CNTN5: variants seen among roughly 807,000 people sequenced by gnomAD.
CNTN5 encodes the protein contactin 5, also known as contactin-5.
In CNTN5, 77 loss-of-function variants were observed where a neutral mutation model predicts 129.1. The ratio of observed to expected loss-of-function variants is 0.60; its 90% CI spans 0.50 to 0.72. CNTN5 has a LOEUF of 0.72. Ranked by LOEUF, CNTN5 falls within the 30% of genes least tolerant of loss-of-function variation. The pLI, the probability that CNTN5 is intolerant of heterozygous loss-of-function variation, is 0.00. For missense variants in CNTN5, 1,478 were observed against 1,328.8 expected (o/e 1.11, Z -1.75); for synonymous variants, 509 against 465.6 (o/e 1.09, Z -1.20).
At chr11:99,065,189 T>C (rs1308689805) in intron 1 of CNTN5, among the ~76,000 whole-genome samples, 1 of 152,098 alleles carries the variant, frequency 6.6e-6, no homozygotes, top group Admixed American at 6.6e-5. Context: ...GATGAAAATA[T>C]AATTGCAAAG....
chr11:100,280,357 C>T (rs185426845), intron 18 of CNTN5, among the ~76,000 whole-genome samples: 1 of 152,096 alleles, frequency 6.6e-6, no homozygotes, highest in Non-Finnish European at 1.5e-5. Context: ...TATCTGGGTA[C>T]TCAAGCATTG....
chr11:99,452,400 T>C (rs1203992755), intron 2 of CNTN5, among the ~76,000 whole-genome samples: 7 of 102,738 alleles, frequency 6.8e-5, no homozygotes, highest in African/African-American at 2.6e-4. Context: ...TGGGACGGAG[T>C]CTGGTTCTGT....
At chr11:99,266,474 C>T (rs1002423194) in intron 1 of CNTN5, among the ~76,000 whole-genome samples, 6 of 151,930 alleles carry the variant, frequency 3.9e-5, no homozygotes, top group African/African-American at 9.7e-5. Context: ...TGGTGGCATG[C>T]GCCTGTATTT....
At chr11:99,139,101 ACCCCCC>A (rs113293616) in intron 1 of CNTN5, among the ~76,000 whole-genome samples, 24,787 of 129,256 alleles carry the variant, frequency 0.19, 2,743 homozygotes, top group East Asian at 0.45. Context: ...CCCCCTCCCC[ACCCCCC>A]CCCCCCAAAA....
intron 1 of CNTN5, among the ~76,000 whole-genome samples, chr11:99,036,853 C>A (rs1008497301): frequency 5.3e-5 from 8 of 152,084 alleles, no homozygotes; most frequent in Admixed American, 1.3e-4. Flanking sequence ...TTTTATTTGA[C>A]CTATGGTTCC....
intron 21 of CNTN5, chr11:100,337,565 T>G: frequency 2.7e-6 from 2 of 744,734 alleles, no homozygotes; most frequent in South Asian, 1.3e-5. Context: ...TTCTGAGCAA[T>G]GAGGGGCACG....
intron 8 of CNTN5, among the ~76,000 whole-genome samples, chr11:99,998,081 T>C (rs1591545363): frequency 1.3e-5 from 2 of 152,184 alleles, no homozygotes; most frequent in African/African-American, 2.4e-5. Flanking sequence ...AGCATTCCCA[T>C]TGAAAACGGG....
At chr11:99,962,483 G>C (rs1178852481) in intron 8 of CNTN5, among the ~76,000 whole-genome samples, 1 of 152,138 alleles carries the variant, frequency 6.6e-6, no homozygotes, top group East Asian at 1.9e-4. Flanking sequence ...CAAAGGACAT[G>C]AACTCATCCT....
intron 9 of CNTN5, among the ~76,000 whole-genome samples, chr11:100,054,289 T>C (rs72996872): frequency 0.22 from 32,855 of 151,558 alleles, 4,148 homozygotes; most frequent in East Asian, 0.46. Flanking sequence ...AGTTACCCAG[T>C]GAAGGATGTG....
intron 1 of CNTN5, among the ~76,000 whole-genome samples, chr11:99,151,859 C>A (rs1339947213): frequency 6.6e-6 from 1 of 152,006 alleles, no homozygotes. Context: ...ACATCACACA[C>A]CGGGGCCTGT....
chr11:99,404,297 T>C (rs1026178222), intron 2 of CNTN5, among the ~76,000 whole-genome samples: 1 of 151,976 alleles, frequency 6.6e-6, no homozygotes, highest in African/African-American at 2.4e-5. Context: ...GGTTTTTTTT[T>C]TTCTTTATTC....
intron 3 of CNTN5, among the ~76,000 whole-genome samples, chr11:99,691,385 A>G (rs1954034148): frequency 6.6e-6 from 1 of 152,002 alleles, no homozygotes; most frequent in Non-Finnish European, 1.5e-5. Context: ...GTGGGCTTTT[A>G]TTGCAGTAAA....
At chr11:99,548,489 G>A (rs907819153) in intron 2 of CNTN5, among the ~76,000 whole-genome samples, 1 of 152,180 alleles carries the variant, frequency 6.6e-6, no homozygotes, top group African/African-American at 2.4e-5. Context: ...TAATTGTATA[G>A]CCAATCGCTG....
chr11:100,110,935 T>C (rs1457229338), intron 13 of CNTN5, among the ~76,000 whole-genome samples: 1 of 151,890 alleles, frequency 6.6e-6, no homozygotes, highest in Admixed American at 6.6e-5. Context: ...TGCAGTCCAT[T>C]GAGTATTGAA....
At chr11:100,006,408 C>T (rs7128428) in intron 9 of CNTN5, among the ~76,000 whole-genome samples, 54,960 of 151,684 alleles carry the variant, frequency 0.36, 11,030 homozygotes, top group African/African-American at 0.54. Context: ...TGGAGTCAAT[C>T]CTCTCTAACT....
At chr11:100,113,332 G>T (rs1261898488) in intron 13 of CNTN5, among the ~76,000 whole-genome samples, 1 of 138,548 alleles carries the variant, frequency 7.2e-6, no homozygotes, top group South Asian at 2.3e-4. Context: ...AGCTGGTATC[G>T]CCATGTAACC....
At chr11:99,785,537 C>A (rs1030938247) in intron 3 of CNTN5, among the ~76,000 whole-genome samples, 1 of 151,934 alleles carries the variant, frequency 6.6e-6, no homozygotes, top group African/African-American at 2.4e-5. Flanking sequence ...CTAGCAGAGA[C>A]CCAACAAAGA....
intron 6 of CNTN5, among the ~76,000 whole-genome samples, chr11:99,853,803 G>C (rs1349197427): frequency 6.6e-6 from 1 of 151,866 alleles, no homozygotes; most frequent in East Asian, 1.9e-4. Context: ...TTTGATGAAG[G>C]AAGTTCTATT....
At chr11:99,871,339 C>G (rs1397854851) in intron 6 of CNTN5, among the ~76,000 whole-genome samples, 2 of 151,770 alleles carry the variant, frequency 1.3e-5, no homozygotes, top group Non-Finnish European at 2.9e-5. Flanking sequence ...AAATACAGAC[C>G]CTGGTTAATA....
Sources: allele counts gnomAD v4.1 joint callset (sites outside exome capture counted in the v4.1 genomes callset), GRCh38; gene constraint gnomAD v4.1.1; transcripts MANE v1.5; gene names NCBI Gene and HGNC (gene_info 2026-07-23, HGNC 2026-07-21).